ADCY8: variants seen among roughly 807,000 people sequenced by gnomAD.
ADCY8 encodes adenylate cyclase type 8.
In ADCY8, 51 loss-of-function variants were observed where a neutral mutation model predicts 119.7. The observed-to-expected ratio is 0.43, with a 90% CI of 0.34 to 0.54. The LOEUF is 0.54. ADCY8 is among the 20% of genes least tolerant of loss of function. The pLI is 0.03. For missense variants in ADCY8, 1,383 were observed against 1,598.8 expected, an observed-to-expected ratio of 0.87 and a Z score of 2.30; for synonymous variants, 665 against 651.0, an observed-to-expected ratio of 1.02 and a Z score of -0.33.
intron 15 of ADCY8, among the ~76,000 whole-genome samples, chr8:130,790,990 C>G (rs1439528432): frequency 2.0e-5 from 3 of 152,158 alleles, no homozygotes; most frequent in Admixed American, 2.0e-4. Flanking sequence ...ATGCCCTTTC[C>G]CAAATTCTTG....
intron 13 of ADCY8, among the ~76,000 whole-genome samples, chr8:130,817,238 G>C (rs985024196): frequency 6.6e-6 from 1 of 152,190 alleles, no homozygotes. Context: ...GCAGATACAA[G>C]ATTGATGAAG....
intron 11 of ADCY8, among the ~76,000 whole-genome samples, chr8:130,843,732 C>T (rs1817215835): frequency 1.3e-5 from 2 of 152,072 alleles, no homozygotes; most frequent in South Asian, 4.1e-4. Context: ...GATTGTGGGC[C>T]TTGTCCTGTG....
rs539169896 is a variant in ADCY8, at chr8:130,836,277, T to G, written c.2675A>C (p.Glu892Ala). Residue 892 changes from glutamate to alanine, a missense_variant and splice_region_variant, in exon 12 of 18, where the codon GAA becomes GCA. This residue lies in a region of ADCY8 where 928 missense variants were observed against 1,163.5 expected (regional missense o/e 0.80). Coordinates refer to ENST00000286355, the MANE Select transcript of ADCY8 (RefSeq NM_001115.3). The part of the protein sequence containing the change: ...LRYDNLNHSG[E>A]DFLGTKEVSL... Reference sequence around the variant, plus strand: ...TGGACTCACGGTGGTGGGCACTTACTCTCCACTGTGGTTGAGGTTGTCATA... The same window carrying G: ...TGGACTCACGGTGGTGGGCACTTACGCTCCACTGTGGTTGAGGTTGTCATA... The G allele has an allele frequency of 1.3e-5, 21 of 1,610,460 alleles. No individual in the cohort carries two copies. The South Asian group carries it at 2.1e-4, about 16-fold the overall frequency.
chr8:130,805,344 A>G (rs753913658), intron 14 of ADCY8, among the ~76,000 whole-genome samples: 1 of 152,246 alleles, frequency 6.6e-6, no homozygotes, highest in Non-Finnish European at 1.5e-5. Context: ...ACTGCTAATA[A>G]TAACTATAAT....
rs1563694462 is a variant in ADCY8 at position 130,854,824 on chromosome 8, TCCC to T, written c.2211-5024_2211-5022del. On this transcript the variant is annotated intron_variant, in intron 9 of 17. Coordinates refer to ENST00000286355, the MANE Select transcript of ADCY8 (RefSeq NM_001115.3). ...CTCCGTCCCTCCCTCCCTCCCTCCC[TCCC>T]TCCCTCCCTCCCTTCCTTCCCTCCC... is the stretch of plus-strand genomic sequence containing the variant. Among the ~76,000 whole-genome samples the T allele has an allele frequency of 5.2e-3, 113 of 21,930 alleles. 2 individuals are homozygous for T. The highest frequency in any genetic ancestry group is 0.022 in the Middle Eastern group (1 of 46). The allele number at this position is 21,930 out of a possible 152,430, so 14.4% of individuals were successfully genotyped here.
chr8:130,975,150 G>A (rs535092073), intron 2 of ADCY8, among the ~76,000 whole-genome samples: 17 of 152,286 alleles, frequency 1.1e-4, no homozygotes, highest in Non-Finnish European at 1.9e-4. Context: ...GAGAGGAGAA[G>A]GAAGGCATTT....
At chr8:130,932,003 T>C (rs1187228672) in intron 5 of ADCY8, among the ~76,000 whole-genome samples, 3 of 152,202 alleles carry the variant, frequency 2.0e-5, no homozygotes, top group Non-Finnish European at 1.5e-5. Flanking sequence ...TCCCTGATGA[T>C]TTTTGACCTT....
At chr8:130,979,416 C>A (rs891006611) in intron 2 of ADCY8, among the ~76,000 whole-genome samples, 17 of 152,152 alleles carry the variant, frequency 1.1e-4, no homozygotes, top group African/African-American at 4.1e-4. Context: ...TACACCTGCC[C>A]CTGGATATTC....
At chr8:130,843,274 C>T (rs1817201750) in intron 11 of ADCY8, among the ~76,000 whole-genome samples, 1 of 152,188 alleles carries the variant, frequency 6.6e-6, no homozygotes, top group Non-Finnish European at 1.5e-5. Context: ...AAATTATTCT[C>T]AGCTCTGTGT....
intron 1 of ADCY8, among the ~76,000 whole-genome samples, chr8:130,993,547 G>A (rs559212071): frequency 2.2e-4 from 34 of 152,316 alleles, no homozygotes; most frequent in African/African-American, 7.9e-4. Context: ...TGTAGTGGGA[G>A]GGATCCAGTG....
In ADCY8 at chr8:130,780,361, C is replaced by CAAAAA. The variant is rs5895055; in HGVS notation, c.*24_*28dup. On this transcript the variant is annotated 3_prime_UTR_variant, in exon 18 of 18. Transcript: ENST00000286355. ...ATTTATTTTATATATAAAAGAAATA[C>CAAAAA]AAAAAAAAAAAACAGAAAGAAAATG... is the stretch of plus-strand genomic sequence containing the variant. 0.023 allele frequency: 29,486 copies of CAAAAA among 1,271,296 alleles called. 80 individuals are homozygous for CAAAAA. Among genetic ancestry groups the CAAAAA allele is most frequent in the Non-Finnish European group, 0.026 (25,443 of 991,362 alleles). 78.8% of individuals were successfully genotyped at this position (1,271,296 alleles called of 1,614,324 possible). A position where few individuals can be genotyped will look rare whatever the true frequency, so the allele number is the denominator to read the frequency against.
intron 9 of ADCY8, among the ~76,000 whole-genome samples, chr8:130,856,538 C>T (rs1337410837): frequency 6.6e-6 from 1 of 152,256 alleles, no homozygotes; most frequent in East Asian, 1.9e-4. Flanking sequence ...GCTCGCCACC[C>T]CGAGGTGCCT....
chr8:130,948,375 C>A (rs1586596889), intron 3 of ADCY8, among the ~76,000 whole-genome samples: 1 of 152,208 alleles, frequency 6.6e-6, no homozygotes, highest in East Asian at 1.9e-4. Flanking sequence ...TCAGGTGAAC[C>A]TGGAGAAGTC....
At chr8:130,954,880 A>G (rs7000131) in intron 2 of ADCY8, among the ~76,000 whole-genome samples, 10,311 of 152,262 alleles carry the variant, frequency 0.068, 1,189 homozygotes, top group African/African-American at 0.24. Flanking sequence ...GGATATTCCT[A>G]TGATTGGAGC....
chr8:130,950,759 G>C (rs973223173), intron 3 of ADCY8, among the ~76,000 whole-genome samples: 23 of 152,142 alleles, frequency 1.5e-4, no homozygotes, highest in Non-Finnish European at 1.3e-4. Context: ...GAGTTCAGTG[G>C]TGCGATCTCA....
At chr8:130,911,768 TAATTAATAG>T (rs1819988679) in intron 5 of ADCY8, among the ~76,000 whole-genome samples, 1 of 150,286 alleles carries the variant, frequency 6.7e-6, no homozygotes, top group Non-Finnish European at 1.5e-5. Flanking sequence ...TAATTAAATA[TAATTAATAG>T]AATAGTTAAT....
intron 2 of ADCY8, among the ~76,000 whole-genome samples, chr8:130,960,697 A>C (rs2130681818): frequency 6.6e-6 from 1 of 152,236 alleles, no homozygotes; most frequent in African/African-American, 2.4e-5. Context: ...ACAACACTAA[A>C]GTAGATTGAA....
chr8:131,019,839 G>GTCTCTCTCTC (rs1563770617), intron 1 of ADCY8, among the ~76,000 whole-genome samples: 5 of 75,950 alleles, frequency 6.6e-5, no homozygotes, highest in South Asian at 5.2e-4. Flanking sequence ...CTCTCTCTCT[G>GTCTCTCTCTC]TCTGTCTCTC....
chr8:130,931,364 A>G (rs1162500929), intron 5 of ADCY8, among the ~76,000 whole-genome samples: 2 of 152,122 alleles, frequency 1.3e-5, no homozygotes, highest in Non-Finnish European at 2.9e-5. Flanking sequence ...TGTTGCTTTC[A>G]GGATCTTCTT....
Sources: gnomAD v4.1 joint callset for allele counts (sites outside exome capture counted in the v4.1 genomes callset) on GRCh38, gnomAD v4.1.1 for gene constraint, gnomAD v4.1.1 regional missense constraint, MANE v1.5 for transcripts, NCBI Gene and HGNC (gene_info 2026-07-23, HGNC 2026-07-21) for gene names.